CNTN5: variants seen among roughly 807,000 people sequenced by gnomAD.
CNTN5 encodes the protein contactin-5.
CNTN5 carries 77 observed loss-of-function variants against 129.1 expected under a neutral mutation model. The observed-to-expected ratio is 0.60, with a 90% CI of 0.50 to 0.72. The LOEUF is 0.72. Among genes scored for constraint, CNTN5 ranks in the 30% least tolerant of loss-of-function variants. The pLI, the probability that CNTN5 is intolerant of heterozygous loss-of-function variation, is 0.00. For missense variants in CNTN5, 1,478 were observed against 1,328.8 expected, an observed-to-expected ratio of 1.11 and a Z score of -1.75; for synonymous variants, 509 against 465.6, an observed-to-expected ratio of 1.09 and a Z score of -1.20.
intron 1 of CNTN5, among the ~76,000 whole-genome samples, chr11:99,142,472 G>T (rs1038077023): frequency 6.6e-6 from 1 of 152,088 alleles, no homozygotes; most frequent in Non-Finnish European, 1.5e-5. Flanking sequence ...GTCTGCTGGT[G>T]TAGGAGCTAT....
At chr11:99,847,871 G>T (rs188686933) in intron 6 of CNTN5, among the ~76,000 whole-genome samples, 2 of 152,038 alleles carry the variant, frequency 1.3e-5, no homozygotes, top group African/African-American at 4.8e-5. Flanking sequence ...AAGAAAAGGG[G>T]TTCCTGAAAT....
rs1397528186 is a variant in CNTN5 at position 99,788,040 on chromosome 11, T to C, written c.56-31504T>C. ...ATGACTTGATTAAACTTTCTTTGTG[T>C]TCTTGGCACCCCTCACATTCATGAT... On this transcript the variant is annotated intron_variant, in intron 3 of 24. Transcript: ENST00000524871. Among the ~76,000 whole-genome samples the C allele has an allele frequency of 2.0e-5, 3 of 151,984 alleles. No homozygotes were observed. In the East Asian group the frequency reaches 5.8e-4, roughly 29 times the overall value.
Position 99,352,998 on chromosome 11 carries a change from G to A in CNTN5, c.-71+27514G>A, listed in dbSNP as rs140715949. On this transcript the variant is annotated intron_variant, in intron 2 of 24. Transcript: ENST00000524871. ...ACCACAGATCCTTTGAGAGCCGGGCGGTGAATCTCTTGTCGTTCCTTTCTT... is the reference window on the plus strand; with the variant it reads ...ACCACAGATCCTTTGAGAGCCGGGCAGTGAATCTCTTGTCGTTCCTTTCTT... 4.2e-3 allele frequency among the ~76,000 whole-genome samples: 640 copies of A among 152,222 alleles called. 4 individuals are homozygous for A. Among genetic ancestry groups the A allele is most frequent in the African/African-American group, 0.014 (592 of 41,526 alleles).
intron 3 of CNTN5, among the ~76,000 whole-genome samples, chr11:99,758,055 A>C (rs1425419482): frequency 6.6e-6 from 1 of 152,076 alleles, no homozygotes; most frequent in Non-Finnish European, 1.5e-5. Context: ...CAATTTAGTG[A>C]AAGTGTTGTC....
At chr11:99,281,908 C>A (rs908791507) in intron 1 of CNTN5, among the ~76,000 whole-genome samples, 2 of 151,934 alleles carry the variant, frequency 1.3e-5, no homozygotes, top group East Asian at 1.9e-4. Context: ...GACGTTGGAG[C>A]CTCTGGGCTT....
intron 8 of CNTN5, among the ~76,000 whole-genome samples, chr11:99,997,280 C>A (rs537636098): frequency 1.3e-5 from 2 of 152,116 alleles, no homozygotes; most frequent in African/African-American, 2.4e-5. Context: ...CTTCTGCTAG[C>A]TTTTGAATGT....
intron 3 of CNTN5, among the ~76,000 whole-genome samples, chr11:99,781,983 T>C (rs530322169): frequency 2.6e-5 from 4 of 151,440 alleles, no homozygotes; most frequent in African/African-American, 4.8e-5. Flanking sequence ...CCAGGGCAAT[T>C]AGGCAGGAGA....
chr11:100,040,658 CAACT>C (rs1432526671), intron 9 of CNTN5, among the ~76,000 whole-genome samples: 3 of 152,174 alleles, frequency 2.0e-5, no homozygotes, highest in Non-Finnish European at 2.9e-5. Context: ...CCTAATCAAA[CAACT>C]AACTCATCAA....
chr11:100,337,181 C>T, intron 21 of CNTN5: 11 of 1,497,596 alleles, frequency 7.3e-6, no homozygotes, highest in Non-Finnish European at 8.3e-6. Context: ...TGGGTTGACA[C>T]AGATGACACC....
intron 18 of CNTN5, among the ~76,000 whole-genome samples, chr11:100,273,254 G>T (rs1167458712): frequency 6.6e-6 from 1 of 152,060 alleles, no homozygotes; most frequent in Non-Finnish European, 1.5e-5. Flanking sequence ...TCACCAGCCT[G>T]CACAGTCTTT....
At chr11:99,774,551 C>T (rs1180987715) in intron 3 of CNTN5, among the ~76,000 whole-genome samples, 4 of 151,788 alleles carry the variant, frequency 2.6e-5, no homozygotes, top group Admixed American at 6.6e-5. Flanking sequence ...ACCTTGTATC[C>T]CTTAATGAGA....
At chr11:99,420,055 G>GA (rs1187804474) in intron 2 of CNTN5, among the ~76,000 whole-genome samples, 1 of 152,048 alleles carries the variant, frequency 6.6e-6, no homozygotes, top group Non-Finnish European at 1.5e-5. Context: ...AGGTGCTGGG[G>GA]AAACAGACAT....
intron 9 of CNTN5, among the ~76,000 whole-genome samples, chr11:100,028,503 T>C (rs1941540821): frequency 6.6e-6 from 1 of 152,188 alleles, no homozygotes; most frequent in South Asian, 2.1e-4. Flanking sequence ...CACCCTAGTT[T>C]TCTAGAGTAT....
chr11:99,912,587 A>G (rs911222396), intron 6 of CNTN5, among the ~76,000 whole-genome samples: 2 of 151,498 alleles, frequency 1.3e-5, no homozygotes, highest in Non-Finnish European at 2.9e-5. Context: ...TCATATCCCA[A>G]GTCTACACTC....
intron 3 of CNTN5, among the ~76,000 whole-genome samples, chr11:99,753,097 A>G (rs1254426253): frequency 6.8e-6 from 1 of 146,266 alleles, no homozygotes; most frequent in Admixed American, 6.9e-5. Context: ...TTAAGGATTT[A>G]TAACATTTTA....
chr11:99,289,999 T>C (rs1013467344), intron 1 of CNTN5, among the ~76,000 whole-genome samples: 3 of 151,830 alleles, frequency 2.0e-5, no homozygotes, highest in Non-Finnish European at 4.4e-5. Flanking sequence ...TTGATAATAT[T>C]CCTTTTTTTA....
intron 1 of CNTN5, among the ~76,000 whole-genome samples, chr11:99,117,324 G>A (rs946310927): frequency 1.8e-4 from 28 of 152,106 alleles, no homozygotes; most frequent in African/African-American, 6.8e-4. Flanking sequence ...AAGAAACAGA[G>A]TATTGCCATC....
At chr11:99,615,010 T>A (rs910459787) in intron 3 of CNTN5, among the ~76,000 whole-genome samples, 7 of 149,560 alleles carry the variant, frequency 4.7e-5, no homozygotes, top group African/African-American at 1.7e-4. Flanking sequence ...GAAGTAATAC[T>A]ATATCTATTT....
At chr11:99,964,840 C>T (rs1202239228) in intron 8 of CNTN5, among the ~76,000 whole-genome samples, 1 of 152,072 alleles carries the variant, frequency 6.6e-6, no homozygotes, top group Non-Finnish European at 1.5e-5. Flanking sequence ...ATTTCAGAGC[C>T]TGTTATTGGT....
Sources: allele counts gnomAD v4.1 joint callset (sites outside exome capture counted in the v4.1 genomes callset), GRCh38; gene constraint gnomAD v4.1.1; transcripts MANE v1.5; gene names NCBI Gene and HGNC (gene_info 2026-07-23, HGNC 2026-07-21).